TNRC6B: variants seen among roughly 807,000 people sequenced by gnomAD.
TNRC6B encodes trinucleotide repeat containing adaptor 6B.
A neutral mutation model predicts 203.6 loss-of-function variants in TNRC6B; 52 were observed. That is an observed-to-expected ratio of 0.26 (90% CI 0.20 to 0.32). The LOEUF (loss-of-function observed/expected upper bound fraction) is 0.32, where lower values mean the gene tolerates loss of function less well. Ranked by LOEUF, TNRC6B falls within the 10% of genes least tolerant of loss-of-function variation. TNRC6B has a pLI of 1.00. For synonymous variants in TNRC6B, 838 were observed against 845.7 expected (o/e 0.99, Z 0.16); for missense variants, 1,923 against 2,286.2 (o/e 0.84, Z 3.24).
intron 3 of TNRC6B, among the ~76,000 whole-genome samples, chr22:40,147,423 C>A (rs190582941): frequency 1.3e-5 from 2 of 152,228 alleles, no homozygotes; most frequent in East Asian, 3.9e-4. Flanking sequence ...TAACAAAATA[C>A]CACAGACTAG....
At chr22:40,132,969 A>AAAAAAATATAT (rs1282694632) in intron 3 of TNRC6B, among the ~76,000 whole-genome samples, 2 of 78,186 alleles carry the variant, frequency 2.6e-5, no homozygotes, top group East Asian at 4.0e-4. Context: ...AAAAAAAAAA[A>AAAAAAATATAT]ATATATATAT....
At chr22:40,229,569 C>A (rs2146448088) in intron 1 of TNRC6B, among the ~76,000 whole-genome samples, 2 of 131,562 alleles carry the variant, frequency 1.5e-5, no homozygotes, top group Middle Eastern at 9.2e-3. Context: ...TCCTTCACCA[C>A]CCTCTGTCTC....
intron 1 of TNRC6B, among the ~76,000 whole-genome samples, chr22:40,208,628 G>A (rs548121693): frequency 6.6e-6 from 1 of 152,280 alleles, no homozygotes; most frequent in Non-Finnish European, 1.5e-5. Flanking sequence ...TTGTGGAGTA[G>A]GGAAAGGTGG....
chr22:40,247,373 C>G (rs981483408), intron 2 of TNRC6B, among the ~76,000 whole-genome samples: 5 of 152,128 alleles, frequency 3.3e-5, no homozygotes, highest in Non-Finnish European at 7.4e-5. Context: ...CACACACAAG[C>G]CAGTGTAACA....
At chr22:40,046,737 C>T (rs565834055) in intron 1 of TNRC6B, among the ~76,000 whole-genome samples, 3 of 151,424 alleles carry the variant, frequency 2.0e-5, no homozygotes, top group South Asian at 2.1e-4. Flanking sequence ...CTCCGCCTCC[C>T]GGGTTCACAC....
chr22:40,262,147 T>A lies in TNRC6B; in HGVS notation c.431T>A (p.Leu144Gln), dbSNP rs746531513. The part of the protein sequence containing the change: ...PNNAQVTGAL[L>Q]QSESGTAPDS... ...AACGCACAAGTGACAGGAGCGCTGC[T>A]GCAGAGTGAGAGTGGGACTGCGCCA... Residue 144 changes from leucine (L) to glutamine (Q), a missense_variant, in exon 4 of 23, where the codon CTG becomes CAG. Physicochemically the swap from Leu to Gln is moderately radical, Grantham distance 113 (BLOSUM62 -2). Coordinates refer to ENST00000454349, the MANE Select transcript of TNRC6B (RefSeq NM_001162501.2). 6.8e-7 allele frequency: 1 copy of A among 1,463,602 alleles called. No individual in the cohort carries two copies. The highest frequency in any genetic ancestry group is 1.5e-5 in the South Asian group (1 of 68,130). The allele number at this position is 1,463,602 out of a possible 1,614,324, so 90.7% of individuals were successfully genotyped here.
intron 1 of TNRC6B, among the ~76,000 whole-genome samples, chr22:40,222,536 A>C (rs1288970749): frequency 6.6e-6 from 1 of 152,190 alleles, no homozygotes; most frequent in Non-Finnish European, 1.5e-5. Flanking sequence ...ACAGCATTCC[A>C]GTCTTGACCA....
rs1247870464 is a variant in TNRC6B at position 40,325,296 on chromosome 22, G to T, written c.*2055G>T. ...CTTTTTAGCTTGTGTCTGTGTGTAG[G>T]TGGGTGGGTGGGTGTGTATAGGAAA... On this transcript the variant is annotated 3_prime_UTR_variant, in exon 23 of 23. Transcript: ENST00000454349. The T allele has an allele frequency of 6.6e-6, 1 of 152,392 alleles. No homozygotes were observed. Among genetic ancestry groups the T allele is most frequent in the African/African-American group, 2.4e-5 (1 of 41,330 alleles). The allele number at this position is 152,392 out of a possible 1,614,324, so 9.4% of individuals were successfully genotyped here. A position where few individuals can be genotyped will look rare whatever the true frequency, so the allele number is the denominator to read the frequency against.
At chr22:40,222,704 T>C (rs1315560493) in intron 1 of TNRC6B, among the ~76,000 whole-genome samples, 1 of 148,964 alleles carries the variant, frequency 6.7e-6, no homozygotes, top group East Asian at 2.0e-4. Context: ...ATTGGTAACA[T>C]CTTGCTGTAT....
chr22:40,276,767 G>T, intron 7 of TNRC6B: 1 of 209,230 alleles, frequency 4.8e-6, no homozygotes, highest in Non-Finnish European at 9.4e-6. Flanking sequence ...GAAAGTAGTC[G>T]TGTGCAAAAC....
chr22:40,127,865 TGC>T (rs2068507934), intron 3 of TNRC6B, among the ~76,000 whole-genome samples: 2 of 151,906 alleles, frequency 1.3e-5, no homozygotes, highest in African/African-American at 4.8e-5. Context: ...AGCCAGACCC[TGC>T]CTCAAAAAAA....
intron 1 of TNRC6B, among the ~76,000 whole-genome samples, chr22:40,199,614 A>T (rs1018546199): frequency 6.6e-6 from 1 of 152,170 alleles, no homozygotes; most frequent in Non-Finnish European, 1.5e-5. Context: ...CTAAAGAGAC[A>T]TGTCAACTAA....
rs142864254 is a variant in TNRC6B, at chr22:40,046,224, T to A, written c.-121+1226T>A. Among the ~76,000 whole-genome samples, 98 of 152,368 alleles carry A rather than the reference T, an allele frequency of 6.4e-4. 2 individuals carry two copies. In the East Asian group the frequency reaches 0.013, roughly 21 times the overall value. On this transcript the variant is annotated intron_variant, in intron 1 of 23. Transcript: ENST00000301923. ...TTCTCTTGATTTGGAGAATCATCAG[T>A]GATCTTGGCTTCGAAAGTACAGATG...
At chr22:40,318,935 G>A (rs1004036186) in intron 21 of TNRC6B, among the ~76,000 whole-genome samples, 2 of 152,084 alleles carry the variant, frequency 1.3e-5, no homozygotes, top group African/African-American at 2.4e-5. Context: ...GCCGGGTATG[G>A]TGGTGGGTGT....
At chr22:40,051,194 G>T (rs1190412344) in intron 1 of TNRC6B, among the ~76,000 whole-genome samples, 1 of 152,160 alleles carries the variant, frequency 6.6e-6, no homozygotes, top group Non-Finnish European at 1.5e-5. Flanking sequence ...ACTGTTGGAA[G>T]TCTTGCCACA....
chr22:40,172,515 G>A (rs191320619), intron 4 of TNRC6B, among the ~76,000 whole-genome samples: 80 of 152,276 alleles, frequency 5.3e-4, no homozygotes, highest in African/African-American at 1.9e-3. Flanking sequence ...AGTGTTGTTG[G>A]TGTAAAGCCT....
Position 40,331,343 on chromosome 22 carries a change from T to C in TNRC6B, c.*8102T>C, listed in dbSNP as rs1420826334. ...TTTATTTCTTCAGAGCTATTATAGT[T>C]GAACACAGAAATCTGCAGTGTCTTT... On this transcript the variant is annotated 3_prime_UTR_variant, in exon 23 of 23. Coordinates refer to ENST00000454349, the MANE Select transcript of TNRC6B (RefSeq NM_001162501.2). 3 of 210,476 alleles carry C rather than the reference T, an allele frequency of 1.4e-5. No individual in the cohort carries two copies. Among genetic ancestry groups the C allele is most frequent in the African/African-American group, 4.5e-5 (2 of 44,228 alleles). 13.0% of individuals were successfully genotyped at this position (210,476 alleles called of 1,614,324 possible).
chr22:40,095,729 T>C (rs1225510953), intron 1 of TNRC6B, among the ~76,000 whole-genome samples: 1 of 150,870 alleles, frequency 6.6e-6, no homozygotes, highest in Non-Finnish European at 1.5e-5. Flanking sequence ...CTTGCCCCTT[T>C]ATTATATGAT....
chr22:40,218,796 G>A (rs373612325), intron 1 of TNRC6B, among the ~76,000 whole-genome samples: 4 of 152,338 alleles, frequency 2.6e-5, no homozygotes, highest in South Asian at 2.1e-4. Flanking sequence ...TGGTAACAGC[G>A]AGTACAAGTC....
Sources: gnomAD v4.1 joint callset for allele counts (sites outside exome capture counted in the v4.1 genomes callset) on GRCh38, gnomAD v4.1.1 for gene constraint, MANE v1.5 for transcripts, NCBI Gene and HGNC (gene_info 2026-07-23, HGNC 2026-07-21) for gene names.